Variants in SHOC1 observed in about 807,000 individuals in gnomAD.
The protein encoded by SHOC1 is protein shortage in chiasmata 1 ortholog.
SHOC1 carries 136 observed loss-of-function variants against 179.2 expected under a neutral mutation model. The observed-to-expected ratio is 0.76, with a 90% CI of 0.66 to 0.87. SHOC1 has a LOEUF of 0.87. SHOC1 is among the 40% of genes least tolerant of loss of function. The probability of loss-of-function intolerance (pLI) is 0.00; values close to 1 mark genes in which losing one functional copy is unlikely to be tolerated. For missense variants in SHOC1, 1,538 were observed against 1,700.8 expected, an observed-to-expected ratio of 0.90 and a Z score of 1.68; for synonymous variants, 489 against 586.6, an observed-to-expected ratio of 0.83 and a Z score of 2.41.
chr9:111,743,780 T>C (rs1834144120), intron 10 of SHOC1, among the ~76,000 whole-genome samples: 1 of 152,170 alleles, frequency 6.6e-6, no homozygotes, highest in South Asian at 2.1e-4. Flanking sequence ...GTTTCAGGCA[T>C]CCATTTAAGG....
At position 111,783,050 on chromosome 9, in the gene SHOC1, A is replaced by G. The variant is rs1157728492; in HGVS notation, c.170-2033T>C. 2.0e-5 allele frequency among the ~76,000 whole-genome samples: 3 copies of G among 152,166 alleles called. No homozygotes were observed. The South Asian group carries it at 6.2e-4, about 32-fold the overall frequency. On this transcript the variant is annotated intron_variant, in intron 3 of 27. Coordinates refer to ENST00000682961, the MANE Select transcript of SHOC1 (RefSeq NM_001378211.1). ...TCCTGTTATCCTTTTTCTTTCCTGCATCATCTTATTCTCTTTTTACCAAAA... is the reference window on the plus strand; with the variant it reads ...TCCTGTTATCCTTTTTCTTTCCTGCGTCATCTTATTCTCTTTTTACCAAAA...
chr9:111,724,773 G>C (rs901946355), intron 13 of SHOC1, among the ~76,000 whole-genome samples: 1 of 152,110 alleles, frequency 6.6e-6, no homozygotes, highest in African/African-American at 2.4e-5. Flanking sequence ...TCAGCATTCT[G>C]TGAAGACTTC....
At chr9:111,710,724 T>C (rs1377790309) in intron 18 of SHOC1, among the ~76,000 whole-genome samples, 4 of 152,166 alleles carry the variant, frequency 2.6e-5, no homozygotes, top group African/African-American at 4.8e-5. Context: ...AGGAAAAGCA[T>C]TGAAATCAAG....
intron 6 of SHOC1, among the ~76,000 whole-genome samples, chr9:111,758,493 G>A (rs1834978238): frequency 6.6e-6 from 1 of 152,222 alleles, no homozygotes; most frequent in Admixed American, 6.5e-5. Context: ...CAAGGCTGAG[G>A]CAGGAGAATC....
At chr9:111,754,917 A>G (rs1295854847) in intron 8 of SHOC1, among the ~76,000 whole-genome samples, 1 of 152,220 alleles carries the variant, frequency 6.6e-6, no homozygotes, top group Non-Finnish European at 1.5e-5. Context: ...TTTTACTTAC[A>G]CTTTGAGCAT....
chr9:111,732,450 A>G lies in SHOC1; in HGVS notation c.1418-4401T>C, dbSNP rs150461330. Among the ~76,000 whole-genome samples the G allele has an allele frequency of 1.1e-4, 16 of 152,332 alleles. No individual in the cohort carries two copies. The East Asian group carries it at 2.3e-3, about 22-fold the overall frequency. Reference sequence around the variant, plus strand: ...AAAGAGAGAAATAACATGTTTCCACAAAAAGACTTGCACAAAAATATTTAT... The same window carrying G: ...AAAGAGAGAAATAACATGTTTCCACGAAAAGACTTGCACAAAAATATTTAT... On this transcript the variant is annotated intron_variant, in intron 12 of 27. Coordinates refer to ENST00000682961, the MANE Select transcript of SHOC1 (RefSeq NM_001378211.1).
intron 13 of SHOC1, among the ~76,000 whole-genome samples, chr9:111,724,249 G>C (rs1429478270): frequency 6.6e-6 from 1 of 152,068 alleles, no homozygotes; most frequent in Non-Finnish European, 1.5e-5. Flanking sequence ...TAATTTCTCT[G>C]TGACTTTCCA....
At chr9:111,768,038 G>C (rs1051538985) in intron 5 of SHOC1, among the ~76,000 whole-genome samples, 5 of 151,260 alleles carry the variant, frequency 3.3e-5, no homozygotes, top group Non-Finnish European at 5.9e-5. Flanking sequence ...CCTTTTTTGT[G>C]TGTCCTCCTC....
At chr9:111,707,206 A>C (rs958847082) in intron 19 of SHOC1, among the ~76,000 whole-genome samples, 29 of 152,030 alleles carry the variant, frequency 1.9e-4, no homozygotes, top group Non-Finnish European at 3.7e-4. Context: ...AAATATCATA[A>C]ATTTAGCTTT....
intron 8 of SHOC1, among the ~76,000 whole-genome samples, chr9:111,753,899 A>C (rs1589444386): frequency 6.6e-6 from 1 of 152,126 alleles, no homozygotes; most frequent in African/African-American, 2.4e-5. Context: ...GGTGTAGGGG[A>C]AATGAGGAGA....
chr9:111,760,689 A>C lies in SHOC1; in HGVS notation c.443-1841T>G, dbSNP rs150243918. On this transcript the variant is annotated intron_variant, in intron 5 of 27. Coordinates refer to ENST00000682961, the MANE Select transcript of SHOC1 (RefSeq NM_001378211.1). The stretch of plus-strand genomic sequence containing the variant: ...AAAAACATAAAAATACCAATTTGTG[A>C]ACTATCAAGGACTAAACATAAAAAT... 1.9e-3 allele frequency among the ~76,000 whole-genome samples: 286 copies of C among 152,094 alleles called. 1 individual carries two copies. Among genetic ancestry groups the C allele is most frequent in the African/African-American group, 6.3e-3 (260 of 41,560 alleles).
chr9:111,722,349 T>G, intron 15 of SHOC1, 60 bp downstream of exon 15: 1 of 1,468,272 alleles, frequency 6.8e-7, no homozygotes, highest in Middle Eastern at 1.9e-4. Context: ...TTTTTACTAA[T>G]TTGATACAAT....
At chr9:111,780,233 A>C (rs543449270) in intron 4 of SHOC1, among the ~76,000 whole-genome samples, 9 of 152,216 alleles carry the variant, frequency 5.9e-5, no homozygotes, top group Non-Finnish European at 1.3e-4. Context: ...ACAACTAAGG[A>C]AAATTTAAAT....
chr9:111,739,225 G>C (rs4979047), intron 11 of SHOC1, among the ~76,000 whole-genome samples: 84,162 of 151,888 alleles, frequency 0.55, 24,039 homozygotes, highest in East Asian at 0.87. Context: ...TATGCTAAGT[G>C]CTTTCTTTAC....
At chr9:111,721,777 C>T (rs1833063748) in intron 15 of SHOC1, among the ~76,000 whole-genome samples, 1 of 152,220 alleles carries the variant, frequency 6.6e-6, no homozygotes, top group Non-Finnish European at 1.5e-5. Context: ...TCTCCCTGGA[C>T]TCTTACCTCC....
At chr9:111,762,389 A>G (rs1835174752) in intron 5 of SHOC1, among the ~76,000 whole-genome samples, 1 of 152,050 alleles carries the variant, frequency 6.6e-6, no homozygotes, top group African/African-American at 2.4e-5. Flanking sequence ...TGATTGCACC[A>G]CTATACTCCA....
intron 8 of SHOC1, among the ~76,000 whole-genome samples, chr9:111,755,961 A>G (rs966076721): frequency 7.9e-5 from 12 of 152,072 alleles, no homozygotes; most frequent in Admixed American, 6.6e-5. Context: ...CATCTCTACT[A>G]AAAATACAAA....
chr9:111,711,197 A>G (rs1832529912), intron 18 of SHOC1, among the ~76,000 whole-genome samples: 1 of 152,170 alleles, frequency 6.6e-6, no homozygotes, highest in Non-Finnish European at 1.5e-5. Context: ...GTAAGTGGTA[A>G]GTCTGTAAAT....
chr9:111,792,471 G>A (rs2131661444), intron 1 of SHOC1, among the ~76,000 whole-genome samples: 1 of 152,142 alleles, frequency 6.6e-6, no homozygotes, highest in East Asian at 1.9e-4. Context: ...GCGTGGTGGT[G>A]TGCACCTGTA....
Sources: gnomAD v4.1 joint callset for allele counts (sites outside exome capture counted in the v4.1 genomes callset) on GRCh38, gnomAD v4.1.1 for gene constraint, MANE v1.5 for transcripts, NCBI Gene and HGNC (gene_info 2026-07-23, HGNC 2026-07-21) for gene names.